The following LARP4B variants were observed in gnomAD, a reference collection of about 807,000 sequenced individuals.
LARP4B encodes the protein la-related protein 4B.
A neutral mutation model predicts 89.8 loss-of-function variants in LARP4B; 12 were observed. The ratio of observed to expected loss-of-function variants is 0.13; its 90% CI spans 0.09 to 0.22. The LOEUF (loss-of-function observed/expected upper bound fraction) is 0.22, where lower values mean the gene tolerates loss of function less well. Among genes scored for constraint, LARP4B ranks in the 10% least tolerant of loss-of-function variants. The pLI is 1.00. For missense variants in LARP4B, 757 were observed against 947.7 expected (o/e 0.80, Z 2.64); for synonymous variants, 367 against 363.3 (o/e 1.01, Z -0.12).
chr10:977,796 G>A, the LARP4B span, among the ~76,000 whole-genome samples: 14 of 152,276 alleles, frequency 9.2e-5, no homozygotes, highest in Admixed American at 5.2e-4. Flanking sequence ...CCAGGGACTT[G>A]AGCATCCACT....
chr10:880,507 G>A (rs1405183188), intron 3 of LARP4B, among the ~76,000 whole-genome samples: 23 of 152,050 alleles, frequency 1.5e-4, no homozygotes, highest in African/African-American at 3.1e-4. Flanking sequence ...GCAACATGGC[G>A]AAACCCCATC....
the LARP4B span, among the ~76,000 whole-genome samples, chr10:966,907 T>C: frequency 6.6e-6 from 1 of 152,244 alleles, no homozygotes; most frequent in African/African-American, 2.4e-5. Flanking sequence ...TGGGATGGTT[T>C]GAGTCTGAGG....
chr10:854,717 T>C (rs1008274551), intron 5 of LARP4B, among the ~76,000 whole-genome samples: 6 of 152,168 alleles, frequency 3.9e-5, no homozygotes, highest in Admixed American at 6.5e-5. Flanking sequence ...ATCATTCTTA[T>C]GGGCCCTAGG....
chr10:817,060 C>A (rs1053150446), intron 15 of LARP4B, among the ~76,000 whole-genome samples: 1 of 152,192 alleles, frequency 6.6e-6, no homozygotes, highest in African/African-American at 2.4e-5. Flanking sequence ...TCTTCCTGGG[C>A]TCTTCCTATG....
At chr10:915,578 G>A (rs889881211) in intron 1 of LARP4B, among the ~76,000 whole-genome samples, 9 of 152,320 alleles carry the variant, frequency 5.9e-5, no homozygotes, top group African/African-American at 1.9e-4. Context: ...GCCAAGGTGG[G>A]TGGATCACGA....
chr10:915,790 G>A (rs935325192), intron 1 of LARP4B, among the ~76,000 whole-genome samples: 2 of 142,196 alleles, frequency 1.4e-5, no homozygotes, highest in African/African-American at 2.6e-5. Flanking sequence ...CCCAGATGGC[G>A]CCACTGCATT....
At chr10:938,454 C>T in the LARP4B span, among the ~76,000 whole-genome samples, 4 of 151,670 alleles carry the variant, frequency 2.6e-5, no homozygotes, top group Admixed American at 6.6e-5. Context: ...AGGGTTTCAC[C>T]GTGTTAGCCA....
chr10:837,006 A>C (rs2131699368), intron 7 of LARP4B, among the ~76,000 whole-genome samples: 1 of 152,388 alleles, frequency 6.6e-6, no homozygotes, highest in South Asian at 2.1e-4. Context: ...TTCGAGTCAC[A>C]GCAAGTAATG....
intron 1 of LARP4B, among the ~76,000 whole-genome samples, chr10:929,928 C>CA (rs1165317078): frequency 1.3e-5 from 2 of 152,088 alleles, no homozygotes; most frequent in Non-Finnish European, 2.9e-5. Flanking sequence ...TTTCACTTAG[C>CA]AAACCTCAAT....
intron 5 of LARP4B, among the ~76,000 whole-genome samples, chr10:852,108 AAAAAGG>A (rs1834086311): frequency 6.6e-6 from 1 of 151,968 alleles, no homozygotes; most frequent in Non-Finnish European, 1.5e-5. Flanking sequence ...GGAAAGAAGA[AAAAAGG>A]AAAACTCCTG....
intron 5 of LARP4B, among the ~76,000 whole-genome samples, chr10:860,699 T>C (rs1413895026): frequency 1.3e-5 from 2 of 152,130 alleles, no homozygotes; most frequent in African/African-American, 4.8e-5. Flanking sequence ...TCAAAAATAG[T>C]AACCTAAGTC....
Position 863,852 on chromosome 10 carries a change from G to A in LARP4B, c.321C>T (p.Gly107=). 6.2e-7 allele frequency: 1 copy of A among 1,613,900 alleles called. No individual in the cohort carries two copies. ...GSDANGDGDQ[G]HENAALPDPQ... ...GGTCTGGCAATGCGGCATTCTCATG[G>A]CCCTGGTCACCATCACCATTGGCAT... Residue 107 remains glycine, a synonymous_variant, in exon 5 of 18, where the codon GGC becomes GGT. Transcript: ENST00000316157.
At chr10:962,866 AAGACCACCGGAACTCACTCCAGAGG>A in the LARP4B span, among the ~76,000 whole-genome samples, 1 of 151,988 alleles carries the variant, frequency 6.6e-6, no homozygotes, top group Non-Finnish European at 1.5e-5. Context: ...GTGAGCTCGG[AAGACCACCGGAACTCACTCCAGAGG>A]AGACCACCTG....
intron 3 of LARP4B, 75 bp downstream of exon 3, chr10:884,372 C>T: frequency 9.5e-7 from 1 of 1,050,998 alleles, no homozygotes; most frequent in Non-Finnish European, 1.5e-6. Context: ...TTACAATAAA[C>T]ATTTTTCTTA....
chr10:895,084 G>A (rs1836146300), intron 1 of LARP4B, among the ~76,000 whole-genome samples: 1 of 152,186 alleles, frequency 6.6e-6, no homozygotes, highest in African/African-American at 2.4e-5. Context: ...TACTCGAGAG[G>A]CTAAGGCAGG....
rs776750269 is a variant in LARP4B, at chr10:810,460, C to A, written c.*2466G>T. ...GTGTATTGACCGGAGGGCAGCAGAGCCCTCCAGTGGCGACTGGCTAATGCA... is the reference window on the plus strand; with the variant it reads ...GTGTATTGACCGGAGGGCAGCAGAGACCTCCAGTGGCGACTGGCTAATGCA... On this transcript the variant is annotated 3_prime_UTR_variant, in exon 18 of 18. Coordinates refer to ENST00000316157, the MANE Select transcript of LARP4B (RefSeq NM_015155.3). 1.7e-4 allele frequency: 26 copies of A among 152,244 alleles called. No homozygotes were observed. Among genetic ancestry groups the A allele is most frequent in the Non-Finnish European group, 3.4e-4 (23 of 68,044 alleles). 9.4% of individuals were successfully genotyped at this position (152,244 alleles called of 1,614,324 possible). A position where few individuals can be genotyped will look rare whatever the true frequency, so the allele number is the denominator to read the frequency against.
chr10:948,351 A>G, the LARP4B span, among the ~76,000 whole-genome samples: 1 of 152,146 alleles, frequency 6.6e-6, no homozygotes, highest in Non-Finnish European at 1.5e-5. Context: ...GGTTCAAGCG[A>G]TTCTCCTGCC....
At chr10:984,986 T>A in the LARP4B span, among the ~76,000 whole-genome samples, 1 of 151,950 alleles carries the variant, frequency 6.6e-6, no homozygotes, top group Non-Finnish European at 1.5e-5. Flanking sequence ...TCTACAGAGG[T>A]CAAGAACAAA....
intron 7 of LARP4B, 36 bp downstream of exon 7, chr10:842,896 G>A (rs199506199): frequency 6.3e-7 from 1 of 1,583,884 alleles, no homozygotes; most frequent in Non-Finnish European, 8.7e-7. Context: ...ATACTCTAAG[G>A]ACAAGTATTA....
Sources: allele counts gnomAD v4.1 joint callset (sites outside exome capture counted in the v4.1 genomes callset), GRCh38; gene constraint gnomAD v4.1.1; transcripts MANE v1.5; gene names NCBI Gene and HGNC (gene_info 2026-07-23, HGNC 2026-07-21).